Variants in ARHGAP44 observed in about 807,000 individuals in gnomAD.
The protein encoded by ARHGAP44 is Rho GTPase activating protein 44.
ARHGAP44 carries 43 observed loss-of-function variants against 106.8 expected under a neutral mutation model. The ratio of observed to expected loss-of-function variants is 0.40; its 90% CI spans 0.32 to 0.52. The LOEUF (loss-of-function observed/expected upper bound fraction) is 0.52. Ranked by LOEUF, ARHGAP44 falls within the 20% of genes least tolerant of loss-of-function variation. The pLI, the probability that ARHGAP44 is intolerant of heterozygous loss-of-function variation, is 0.48. For missense variants in ARHGAP44, 866 were observed against 1,050.5 expected (o/e 0.82, Z 2.43); for synonymous variants, 439 against 410.3 (o/e 1.07, Z -0.85).
At chr17:12,954,886 A>C (rs750374250) in intron 13 of ARHGAP44, among the ~76,000 whole-genome samples, 6 of 152,082 alleles carry the variant, frequency 3.9e-5, no homozygotes, top group Middle Eastern at 6.8e-3. Context: ...ATACCATTGA[A>C]CCTTTTTAAC....
intron 1 of ARHGAP44, among the ~76,000 whole-genome samples, chr17:12,886,643 C>G (rs2036889134): frequency 6.6e-6 from 1 of 151,936 alleles, no homozygotes; most frequent in Non-Finnish European, 1.5e-5. Flanking sequence ...GTATGTTTAT[C>G]TCATATGCAA....
intron 1 of ARHGAP44, among the ~76,000 whole-genome samples, chr17:12,802,969 A>ATATATTTT (rs1567621473): frequency 2.4e-5 from 1 of 40,848 alleles, no homozygotes; most frequent in Non-Finnish European, 4.5e-5. Context: ...ATATATATAT[A>ATATATTTT]TTTTTTTTTT....
rs891944773 is a variant in ARHGAP44 at position 12,984,817 on chromosome 17, G to A, written c.2226G>A (p.Gln742=). ...AGAGACCTACTCTGCCGCCTCCTCA[G>A]CCTCCCACAGTAAACCTCTCGGCCT... is the stretch of plus-strand genomic sequence containing the variant. The part of the protein sequence containing the change: ...PRQRPTLPPP[Q]PPTVNLSASS... Residue 742 remains glutamine, a synonymous_variant, in exon 20 of 21, where the codon CAG becomes CAA. Transcript: ENST00000379672. 6.2e-7 allele frequency: 1 copy of A among 1,613,944 alleles called. No homozygotes were observed. Among genetic ancestry groups the A allele is most frequent in the Non-Finnish European group, 8.5e-7 (1 of 1,179,890 alleles).
intron 10 of ARHGAP44, among the ~76,000 whole-genome samples, chr17:12,948,858 A>G (rs1487957707): frequency 6.6e-6 from 1 of 152,080 alleles, no homozygotes; most frequent in Non-Finnish European, 1.5e-5. Context: ...CTAAGTGCCC[A>G]AGATTCATTT....
At chr17:12,839,964 G>A (rs78982383) in intron 1 of ARHGAP44, among the ~76,000 whole-genome samples, 4,048 of 152,236 alleles carry the variant, frequency 0.027, 163 homozygotes, top group African/African-American at 0.089. Context: ...TTTCTCAGTT[G>A]TATAAATTTC....
intron 1 of ARHGAP44, among the ~76,000 whole-genome samples, chr17:12,809,436 A>C (rs1179546098): frequency 6.6e-6 from 1 of 152,246 alleles, no homozygotes; most frequent in Non-Finnish European, 1.5e-5. Context: ...GGTAAAGGAG[A>C]AGCAAAAGCG....
Position 12,990,972 on chromosome 17 carries a change from A to C in ARHGAP44, c.*801A>C, listed in dbSNP as rs878912535. ...TTTACCCCTCTACGTACCTAAAGGCACCCAGTTCACTAGTCTGTGGGGTCC... is the reference window on the plus strand; with the variant it reads ...TTTACCCCTCTACGTACCTAAAGGCCCCCAGTTCACTAGTCTGTGGGGTCC... On this transcript the variant is annotated 3_prime_UTR_variant, in exon 21 of 21. Coordinates refer to ENST00000379672, the MANE Select transcript of ARHGAP44 (RefSeq NM_014859.6). 4 of 152,634 alleles carry C rather than the reference A, an allele frequency of 2.6e-5. No homozygotes were observed. The highest frequency in any genetic ancestry group is 4.1e-4 in the South Asian group (2 of 4,830). 9.5% of individuals were successfully genotyped at this position (152,634 alleles called of 1,614,324 possible). A position where few individuals can be genotyped will look rare whatever the true frequency, so the allele number is the denominator to read the frequency against.
intron 19 of ARHGAP44, 98 bp downstream of exon 19, chr17:12,980,331 C>A: frequency 7.5e-7 from 1 of 1,334,732 alleles, no homozygotes; most frequent in Non-Finnish European, 1.0e-6. Context: ...TATTGAGAAA[C>A]TGTGTGGTTT....
rs544167889 is a variant in ARHGAP44 at position 12,796,790 on chromosome 17, G to A, written c.53+6899G>A. 4.7e-5 allele frequency among the ~76,000 whole-genome samples: 7 copies of A among 148,220 alleles called. No individual in the cohort carries two copies. The South Asian group carries it at 1.1e-3, about 23-fold the overall frequency. Reference sequence around the variant, plus strand: ...TTTTTTTTTTTTTTGAATTTTTAGTGGAGACAGGGTTTCACCGTGTTAGCC... The same window carrying A: ...TTTTTTTTTTTTTTGAATTTTTAGTAGAGACAGGGTTTCACCGTGTTAGCC... On this transcript the variant is annotated intron_variant, in intron 1 of 20. Transcript: ENST00000379672.
At chr17:12,803,419 A>G (rs1029097322) in intron 1 of ARHGAP44, among the ~76,000 whole-genome samples, 1 of 152,034 alleles carries the variant, frequency 6.6e-6, no homozygotes. Flanking sequence ...AGAGAAGTCC[A>G]TTTTTATCTC....
intron 1 of ARHGAP44, among the ~76,000 whole-genome samples, chr17:12,881,338 G>A (rs934821754): frequency 6.6e-6 from 1 of 151,656 alleles, no homozygotes; most frequent in Non-Finnish European, 1.5e-5. Context: ...TTTGACTTTT[G>A]TGTACCGTGT....
In ARHGAP44 at chr17:12,976,612, CA is replaced by C. The variant is rs59099893; in HGVS notation, c.1763+2322del. On this transcript the variant is annotated intron_variant, in intron 18 of 20. Transcript: ENST00000379672. ...TGGGTGACAGAGCGAGACTCTGTGTCAAAAAAAAAAAAAAAAAAAAGTATTT... is the reference window on the plus strand; with the variant it reads ...TGGGTGACAGAGCGAGACTCTGTGTCAAAAAAAAAAAAAAAAAAAGTATTT... Among the ~76,000 whole-genome samples the C allele has an allele frequency of 0.014, 1,211 of 85,070 alleles. 18 individuals are homozygous for C. In the South Asian group the frequency reaches 0.15, roughly 11 times the overall value. 55.8% of individuals were successfully genotyped at this position (85,070 alleles called of 152,430 possible).
At chr17:12,861,644 C>CT (rs71144930) in intron 1 of ARHGAP44, among the ~76,000 whole-genome samples, 3,197 of 67,764 alleles carry the variant, frequency 0.047, 461 homozygotes, top group African/African-American at 0.15. Flanking sequence ...TCCTCTTCCA[C>CT]TTTTTTTTTT....
intron 16 of ARHGAP44, among the ~76,000 whole-genome samples, chr17:12,966,479 C>A (rs2039394808): frequency 1.3e-5 from 2 of 152,182 alleles, no homozygotes; most frequent in Non-Finnish European, 2.9e-5. Flanking sequence ...AGAGGAGTTA[C>A]TTCCAGAAAA....
chr17:12,856,268 A>T (rs761846544), intron 1 of ARHGAP44, among the ~76,000 whole-genome samples: 1 of 152,068 alleles, frequency 6.6e-6, no homozygotes, highest in Non-Finnish European at 1.5e-5. Flanking sequence ...GAATCTAGTA[A>T]ACTGTGCATC....
chr17:12,974,916 C>T (rs1433045561), intron 18 of ARHGAP44, among the ~76,000 whole-genome samples: 1 of 148,746 alleles, frequency 6.7e-6, no homozygotes, highest in East Asian at 2.0e-4. Flanking sequence ...GAGGCGCGAT[C>T]TCGACTCACT....
chr17:12,844,216 C>T (rs186588330), intron 1 of ARHGAP44, among the ~76,000 whole-genome samples: 5 of 152,172 alleles, frequency 3.3e-5, no homozygotes, highest in South Asian at 2.1e-4. Context: ...TACCAGAGAC[C>T]GGGTAACTTA....
At chr17:12,955,651 C>T (rs751703099) in intron 13 of ARHGAP44, 25 of 472,016 alleles carry the variant, frequency 5.3e-5, no homozygotes, top group Non-Finnish European at 8.1e-5. Flanking sequence ...AAGCAGATGT[C>T]GACACCTGAC....
At chr17:12,921,349 A>G (rs980838175) in intron 6 of ARHGAP44, among the ~76,000 whole-genome samples, 1 of 151,978 alleles carries the variant, frequency 6.6e-6, no homozygotes, top group African/African-American at 2.4e-5. Context: ...AATTTTTATT[A>G]TTTTTAAAAA....
Sources: allele counts gnomAD v4.1 joint callset (sites outside exome capture counted in the v4.1 genomes callset), GRCh38; gene constraint gnomAD v4.1.1; transcripts MANE v1.5; gene names NCBI Gene and HGNC (gene_info 2026-07-23, HGNC 2026-07-21).